Variants in NCAM2 observed in about 807,000 individuals in gnomAD.
NCAM2 encodes neural cell adhesion molecule 2.
Under a neutral mutation model 98.1 loss-of-function variants are expected in NCAM2, and 30 were observed. That is an observed-to-expected ratio of 0.31 (90% CI 0.23 to 0.41). The LOEUF is 0.41. NCAM2 is among the 10% of genes least tolerant of loss of function. NCAM2 has a pLI of 1.00. For synonymous variants in NCAM2, 368 were observed against 342.4 expected, an observed-to-expected ratio of 1.07 and a Z score of -0.83; for missense variants, 867 against 1,005.8, an observed-to-expected ratio of 0.86 and a Z score of 1.87.
intron 1 of NCAM2, among the ~76,000 whole-genome samples, chr21:21,030,475 A>G (rs1174791242): frequency 6.6e-6 from 1 of 152,108 alleles, no homozygotes; most frequent in East Asian, 1.9e-4. Flanking sequence ...CTGCCTTTTT[A>G]AGGGCTCTTG....
intron 1 of NCAM2, among the ~76,000 whole-genome samples, chr21:21,159,849 A>G (rs1260578921): frequency 2.0e-5 from 3 of 151,526 alleles, no homozygotes. Flanking sequence ...TGTGGTTTAA[A>G]CATTTATAAT....
intron 15 of NCAM2, among the ~76,000 whole-genome samples, chr21:21,504,582 A>G (rs1017825491): frequency 1.6e-4 from 24 of 152,016 alleles, no homozygotes; most frequent in African/African-American, 5.8e-4. Flanking sequence ...GAGTACAAAT[A>G]GTGGACTTTT....
chr21:21,147,229 G>A (rs2067305834), intron 1 of NCAM2: 1 of 985,200 alleles, frequency 1.0e-6, no homozygotes, highest in African/African-American at 1.7e-5. Flanking sequence ...TTCTTAGTCC[G>A]TACCCGGCAT....
chr21:21,393,634 C>T (rs2076430372), intron 9 of NCAM2, among the ~76,000 whole-genome samples: 1 of 152,018 alleles, frequency 6.6e-6, no homozygotes, highest in East Asian at 1.9e-4. Context: ...AAAAAACAGG[C>T]ATTATATTAT....
chr21:21,135,695 G>T (rs1026425757), intron 1 of NCAM2, among the ~76,000 whole-genome samples: 2 of 152,100 alleles, frequency 1.3e-5, no homozygotes, highest in African/African-American at 4.8e-5. Flanking sequence ...ACTGTTTTCT[G>T]ATCTGATCTG....
intron 5 of NCAM2, among the ~76,000 whole-genome samples, chr21:21,313,797 TA>T (rs775032318): frequency 3.3e-5 from 5 of 152,066 alleles, no homozygotes; most frequent in Non-Finnish European, 7.4e-5. Context: ...GAACATTATT[TA>T]GAATTGTATT....
chr21:21,439,503 T>A (rs1440278583), intron 12 of NCAM2, among the ~76,000 whole-genome samples: 2 of 152,326 alleles, frequency 1.3e-5, no homozygotes, highest in African/African-American at 4.8e-5. Context: ...TAGAGAAACT[T>A]ATTTCAGTTT....
chr21:21,154,939 A>C (rs73894482), intron 1 of NCAM2, among the ~76,000 whole-genome samples: 153 of 151,946 alleles, frequency 1.0e-3, no homozygotes, highest in African/African-American at 3.4e-3. Flanking sequence ...GGCTTTTGCT[A>C]TGGTAATGAA....
intron 1 of NCAM2, among the ~76,000 whole-genome samples, chr21:21,095,065 G>C (rs1345546685): frequency 6.6e-6 from 1 of 151,678 alleles, no homozygotes; most frequent in Non-Finnish European, 1.5e-5. Flanking sequence ...TGGTGCTGCT[G>C]TCTTACAGTG....
chr21:21,517,934 A>G (rs949331669), intron 16 of NCAM2, among the ~76,000 whole-genome samples: 2 of 152,170 alleles, frequency 1.3e-5, no homozygotes, highest in Non-Finnish European at 2.9e-5. Flanking sequence ...AAAAGATTCC[A>G]AGAACCAGTG....
chr21:21,343,352 T>C (rs1271888684), intron 8 of NCAM2, among the ~76,000 whole-genome samples: 21 of 110,166 alleles, frequency 1.9e-4, no homozygotes, highest in East Asian at 4.3e-4. Context: ...CAACTATCTA[T>C]ACACATACAC....
At chr21:21,509,904 A>G (rs1247251451) in intron 16 of NCAM2, among the ~76,000 whole-genome samples, 1 of 152,154 alleles carries the variant, frequency 6.6e-6, no homozygotes, top group African/African-American at 2.4e-5. Flanking sequence ...TGTGCATTAA[A>G]CACAGCAATC....
chr21:21,063,335 C>T (rs2065362893), intron 1 of NCAM2, among the ~76,000 whole-genome samples: 1 of 145,496 alleles, frequency 6.9e-6, no homozygotes, highest in South Asian at 2.2e-4. Flanking sequence ...TCTCTTGCCT[C>T]TCAGCCTCCT....
intron 5 of NCAM2, among the ~76,000 whole-genome samples, chr21:21,302,468 G>GT (rs1378516554): frequency 6.6e-6 from 1 of 151,950 alleles, no homozygotes; most frequent in Admixed American, 6.6e-5. Context: ...CTATGTGTCT[G>GT]TTTTTTCTGT....
chr21:21,444,167 G>A (rs1027168461), intron 12 of NCAM2, among the ~76,000 whole-genome samples: 11 of 152,186 alleles, frequency 7.2e-5, no homozygotes, highest in South Asian at 2.1e-4. Context: ...CCAGATTTGC[G>A]TCCCAGAGAT....
chr21:21,051,861 A>G (rs1473992809), intron 1 of NCAM2, among the ~76,000 whole-genome samples: 1 of 151,926 alleles, frequency 6.6e-6, no homozygotes, highest in Admixed American at 6.6e-5. Context: ...GATATTTCTG[A>G]TGTGGTAATA....
At chr21:21,315,257 C>G (rs1427498733) in intron 5 of NCAM2, among the ~76,000 whole-genome samples, 1 of 152,130 alleles carries the variant, frequency 6.6e-6, no homozygotes, top group Non-Finnish European at 1.5e-5. Flanking sequence ...TTCACAAAAT[C>G]TTAGCAATGT....
At chr21:21,191,565 G>A (rs992348170) in intron 1 of NCAM2, among the ~76,000 whole-genome samples, 8 of 152,126 alleles carry the variant, frequency 5.3e-5, no homozygotes, top group Non-Finnish European at 1.2e-4. Context: ...GATATTTAAA[G>A]CAGTTGTAAG....
chr21:21,487,538 C>T (rs1286105886), intron 15 of NCAM2, among the ~76,000 whole-genome samples: 1 of 152,014 alleles, frequency 6.6e-6, no homozygotes, highest in Non-Finnish European at 1.5e-5. Context: ...GTATCGTTCA[C>T]TGTTAAAATA....
Sources: allele counts gnomAD v4.1 joint callset (sites outside exome capture counted in the v4.1 genomes callset), GRCh38; gene constraint gnomAD v4.1.1; transcripts MANE v1.5; gene names NCBI Gene and HGNC (gene_info 2026-07-23, HGNC 2026-07-21).